Variants in CDH22 observed in about 807,000 individuals in gnomAD.
The protein encoded by CDH22 is cadherin-22.
In CDH22, 30 loss-of-function variants were observed where a neutral mutation model predicts 58.4. That is an observed-to-expected ratio of 0.51 (90% CI 0.38 to 0.70). The LOEUF is 0.70. Among genes scored for constraint, CDH22 ranks in the 30% least tolerant of loss-of-function variants. The pLI, the probability that CDH22 is intolerant of heterozygous loss-of-function variation, is 0.00. For missense variants in CDH22, 1,014 were observed against 1,233.9 expected, an observed-to-expected ratio of 0.82 and a Z score of 2.67; for synonymous variants, 513 against 558.2, an observed-to-expected ratio of 0.92 and a Z score of 1.14.
intron 1 of CDH22, among the ~76,000 whole-genome samples, chr20:46,304,767 TG>T (rs2086666926): frequency 6.6e-6 from 1 of 151,874 alleles, no homozygotes; most frequent in Middle Eastern, 3.4e-3. Context: ...AGCTAAGGAG[TG>T]AGTAGTGAAT....
chr20:46,198,996 C>T (rs2085932054), intron 8 of CDH22, among the ~76,000 whole-genome samples: 1 of 152,144 alleles, frequency 6.6e-6, no homozygotes, highest in Non-Finnish European at 1.5e-5. Flanking sequence ...ATATTATGTC[C>T]GTGCTTTCTC....
intron 8 of CDH22, among the ~76,000 whole-genome samples, chr20:46,191,981 G>C (rs1028484575): frequency 1.1e-4 from 16 of 151,972 alleles, no homozygotes; most frequent in Non-Finnish European, 2.4e-4. Flanking sequence ...ACCTCCTTCA[G>C]GTCTTGGCCC....
intron 1 of CDH22, among the ~76,000 whole-genome samples, chr20:46,278,079 G>A (rs1388146602): frequency 6.6e-6 from 1 of 151,946 alleles, no homozygotes; most frequent in Non-Finnish European, 1.5e-5. Flanking sequence ...GGAGGAGGAG[G>A]AGAAGGAGGA....
intron 4 of CDH22, among the ~76,000 whole-genome samples, chr20:46,225,797 T>C (rs1041687003): frequency 2.0e-5 from 3 of 152,184 alleles, no homozygotes; most frequent in African/African-American, 7.2e-5. Context: ...TTTCTTTTTT[T>C]TTTCTTTTTA....
chr20:46,241,201 C>G lies in CDH22; in HGVS notation c.312G>C (p.Glu104Asp). 1 of 1,613,884 alleles carries G rather than the reference C, an allele frequency of 6.2e-7. No homozygotes were observed. The highest frequency in any genetic ancestry group is 8.5e-7 in the Non-Finnish European group (1 of 1,179,848). ...CGATCAGGAAGATGGTCCCAGCACC[C>G]TCGCCTGAGATGGTGTACTTGATGG... ...DGAIKYTISG[E>D]GAGTIFLIDE... Residue 104 changes from glutamate to aspartate, a missense_variant, in exon 3 of 12, where the codon GAG (glutamate) becomes GAC (aspartate). Physicochemically the swap from Glu to Asp is conservative, Grantham distance 45 (BLOSUM62 2). Around this residue, in one of 2 missense-constraint regions of CDH22, gnomAD observed 806 missense variants for 1,038.7 expected, o/e 0.78. Coordinates refer to ENST00000537909, the MANE Select transcript of CDH22 (RefSeq NM_021248.3). This position sits in a 1 kb window ranked among gnomAD's most constrained non-coding sequence, Gnocchi z 5.2.
At chr20:46,294,860 T>A (rs913280456) in intron 1 of CDH22, among the ~76,000 whole-genome samples, 1 of 152,160 alleles carries the variant, frequency 6.6e-6, no homozygotes, top group African/African-American at 2.4e-5. Context: ...GGCAAGAACA[T>A]ATCTGACCCA....
chr20:46,285,667 G>C (rs1336365187), intron 1 of CDH22, among the ~76,000 whole-genome samples: 1 of 152,212 alleles, frequency 6.6e-6, no homozygotes, highest in Non-Finnish European at 1.5e-5. Context: ...ATAGAATCCA[G>C]GTCTCCTGAC....
intron 1 of CDH22, among the ~76,000 whole-genome samples, chr20:46,298,197 A>G (rs1394556931): frequency 6.6e-6 from 1 of 152,198 alleles, no homozygotes; most frequent in Non-Finnish European, 1.5e-5. Context: ...TGTCCTGGAA[A>G]TAGAAAAAAA....
chr20:46,273,475 A>G (rs369544140), intron 1 of CDH22, among the ~76,000 whole-genome samples: 1 of 152,358 alleles, frequency 6.6e-6, no homozygotes, highest in African/African-American at 2.4e-5. Flanking sequence ...ACTTTAGCAC[A>G]GTGCATGGCA....
At chr20:46,276,696 C>T (rs1211628443) in intron 1 of CDH22, among the ~76,000 whole-genome samples, 4 of 152,284 alleles carry the variant, frequency 2.6e-5, no homozygotes, top group East Asian at 1.9e-4. Flanking sequence ...CTAATGACGA[C>T]GTTGGACTTT....
Position 46,300,786 on chromosome 20 carries a change from G to A in CDH22, c.-400+7469C>T, listed in dbSNP as rs1054694485. 3.9e-5 allele frequency among the ~76,000 whole-genome samples: 6 copies of A among 152,218 alleles called. No homozygotes were observed. Among genetic ancestry groups the A allele is most frequent in the Non-Finnish European group, 7.3e-5 (5 of 68,046 alleles). On this transcript the variant is annotated intron_variant, in intron 1 of 11. Transcript: ENST00000537909. The surrounding 1 kb of genome is among the most constrained non-coding windows in gnomAD (Gnocchi z 4.4). Reference sequence around the variant, plus strand: ...GCGCCACACGACTCCTGCCAAAAACGTCCCAGTGGTCCCTGAAGAAATCAT... The same window carrying A: ...GCGCCACACGACTCCTGCCAAAAACATCCCAGTGGTCCCTGAAGAAATCAT...
intron 1 of CDH22, among the ~76,000 whole-genome samples, chr20:46,289,679 G>C (rs1600728076): frequency 6.6e-6 from 1 of 152,180 alleles, no homozygotes; most frequent in South Asian, 2.1e-4. Flanking sequence ...TTTCCAGATG[G>C]ATTGCCTGGG....
At chr20:46,190,348 T>G (rs532223352) in intron 8 of CDH22, among the ~76,000 whole-genome samples, 1 of 151,836 alleles carries the variant, frequency 6.6e-6, no homozygotes, top group Admixed American at 6.6e-5. Context: ...AGAGCTGGGG[T>G]TGGGTCCGAA....
chr20:46,271,762 T>C (rs1393482200), intron 1 of CDH22, among the ~76,000 whole-genome samples: 1 of 152,126 alleles, frequency 6.6e-6, no homozygotes, highest in Admixed American at 6.6e-5. Flanking sequence ...TTTGCAGGTG[T>C]GTCCTTCTCT....
At chr20:46,192,550 T>A (rs1406990024) in intron 8 of CDH22, among the ~76,000 whole-genome samples, 2 of 93,060 alleles carry the variant, frequency 2.1e-5, no homozygotes, top group African/African-American at 4.4e-5. Flanking sequence ...GCTGCAAGAG[T>A]GGGAGTGGGA....
Position 46,216,853 on chromosome 20 carries a change from T to C in CDH22, c.811A>G (p.Asn271Asp), listed in dbSNP as rs768099050. 2 of 1,602,636 alleles carry C rather than the reference T, an allele frequency of 1.2e-6. No homozygotes were observed. The highest frequency in any genetic ancestry group is 1.7e-6 in the Non-Finnish European group (2 of 1,170,568). The change falls in exon 5 of 12, where the codon AAT becomes GAT. Residue 271 changes from asparagine to aspartate, a missense_variant. Transcript: ENST00000537909. This position sits in a 1 kb window ranked among gnomAD's most constrained non-coding sequence, Gnocchi z 5.3. Reference sequence around the variant, plus strand: ...TGCGGGAAACGGGGCGGGTTGTCATTGACGTCGGTGACTACGATGGTGACG... The same window carrying C: ...TGCGGGAAACGGGGCGGGTTGTCATCGACGTCGGTGACTACGATGGTGACG... Reference protein sequence around the residue: ...TTVTIVVTDVNDNPPRFPQKM... With the variant: ...TTVTIVVTDVDDNPPRFPQKM...
At chr20:46,301,498 T>TAA (rs34249422) in intron 1 of CDH22, among the ~76,000 whole-genome samples, 6,187 of 138,014 alleles carry the variant, frequency 0.045, 191 homozygotes, top group African/African-American at 0.08. Flanking sequence ...ACTTGCCTAT[T>TAA]AAAAAAATAT....
rs566964038 is a variant in CDH22 at position 46,227,636 on chromosome 20, G to C, written c.551-9C>G. On this transcript the variant is annotated splice_polypyrimidine_tract_variant and intron_variant, in intron 3 of 11. Transcript: ENST00000537909. The stretch of plus-strand genomic sequence containing the variant: ...CTGCATCACCGACGTGCCTGGGCCC[G>C]GGGGACCAAGCGAGACAGGGGTCAT... 9.3e-6 allele frequency: 15 copies of C among 1,606,884 alleles called. No homozygotes were observed. Among genetic ancestry groups the C allele is most frequent in the African/African-American group, 5.4e-5 (4 of 74,712 alleles).
chr20:46,216,663 G>A lies in CDH22; in HGVS notation c.838+163C>T, dbSNP rs1331266502. On this transcript the variant is annotated intron_variant, in intron 5 of 11. Transcript: ENST00000537909. This position sits in a 1 kb window ranked among gnomAD's most constrained non-coding sequence, Gnocchi z 5.3. Reference sequence around the variant, plus strand: ...AGGAAGCATGGTTGGAGGGGGGCTGGGGGATAGCTGGTGGCTTGGGAGGAC... The same window carrying A: ...AGGAAGCATGGTTGGAGGGGGGCTGAGGGATAGCTGGTGGCTTGGGAGGAC... 6.6e-6 allele frequency among the ~76,000 whole-genome samples: 1 copy of A among 152,174 alleles called. No individual in the cohort carries two copies. The highest frequency in any genetic ancestry group is 1.5e-5 in the Non-Finnish European group (1 of 68,026).
Sources: allele counts gnomAD v4.1 joint callset (sites outside exome capture counted in the v4.1 genomes callset), GRCh38; gene constraint gnomAD v4.1.1; regional missense constraint gnomAD v4.1.1; non-coding constraint Gnocchi (gnomAD v3.1); transcripts MANE v1.5; gene names NCBI Gene and HGNC (gene_info 2026-07-23, HGNC 2026-07-21).